REM2: variants seen among roughly 807,000 people sequenced by gnomAD.
REM2 encodes GTP-binding protein REM 2.
A neutral mutation model predicts 24.4 loss-of-function variants in REM2; 24 were observed. The ratio of observed to expected loss-of-function variants is 0.98; its 90% CI spans 0.71 to 1.38. The LOEUF (loss-of-function observed/expected upper bound fraction) is 1.38. Ranked by LOEUF, REM2 falls within the 40% of genes most tolerant of loss-of-function variation. The pLI, the probability that REM2 is intolerant of heterozygous loss-of-function variation, is 0.00. For synonymous variants in REM2, 187 were observed against 198.0 expected, an observed-to-expected ratio of 0.94 and a Z score of 0.47; for missense variants, 429 against 467.8, an observed-to-expected ratio of 0.92 and a Z score of 0.77.
chr14:22,886,208 G>A lies in REM2; in HGVS notation c.704G>A (p.Arg235His), dbSNP rs1445632252. 1.2e-6 allele frequency: 2 copies of A among 1,612,970 alleles called. No homozygotes were observed. Among genetic ancestry groups the A allele is most frequent in the African/African-American group, 1.3e-5 (1 of 74,920 alleles). The part of the protein sequence containing the change: ...ILVGNKSDLA[R>H]SREVSLEEGR... The stretch of plus-strand genomic sequence containing the variant: ...GTTGGAAACAAGAGCGACTTGGCCC[G>A]CTCCCGGGAGGTATCACTGGAGGGT... The change falls in exon 4 of 5, where the codon CGC becomes CAC. Residue 235 changes from arginine to histidine, a missense_variant. Coordinates refer to ENST00000267396, the MANE Select transcript of REM2 (RefSeq NM_173527.3). This position sits in a 1 kb window ranked among gnomAD's most constrained non-coding sequence, Gnocchi z 5.9.
chr14:22,883,432 G>T (rs1276593903), intron 1 of REM2, 42 bp downstream of exon 1: 3 of 1,540,100 alleles, frequency 1.9e-6, no homozygotes, highest in African/African-American at 2.7e-5. Flanking sequence ...AACCATGGGG[G>T]TGGGAGCTGA....
rs747385059 is a variant in REM2, at chr14:22,884,688, C to T, written c.118C>T (p.Leu40=). The change falls in exon 2 of 5, where the codon CTA becomes TTA. Residue 40 remains leucine, a synonymous_variant. Coordinates refer to ENST00000267396, the MANE Select transcript of REM2 (RefSeq NM_173527.3). ...GTPTPEADAT[L]LKKSEKLLAE... ...TTTTATTTTAGAAGCAGATGCCACG[C>T]TACTAAAGAAGTCAGAGAAACTGTT... 6.2e-7 allele frequency: 1 copy of T among 1,607,260 alleles called. No homozygotes were observed. Among genetic ancestry groups the T allele is most frequent in the East Asian group, 2.2e-5 (1 of 44,806 alleles).
At position 22,886,162 on chromosome 14, in the gene REM2, C is replaced by T; in HGVS notation, c.658C>T (p.His220Tyr). ...TCGGCTCCGGGCTGGGAGGCCGCACCACGACCTACCCGTTATCCTCGTTGG... is the reference window on the plus strand; with the variant it reads ...TCGGCTCCGGGCTGGGAGGCCGCACTACGACCTACCCGTTATCCTCGTTGG... ...LLRLRAGRPH[H>Y]DLPVILVGNK... Residue 220 changes from histidine to tyrosine, a missense_variant, in exon 4 of 5, where the codon CAC (histidine) becomes TAC (tyrosine). Physicochemically the swap from His to Tyr is moderately conservative, Grantham distance 83. Coordinates refer to ENST00000267396, the MANE Select transcript of REM2 (RefSeq NM_173527.3). This position sits in a 1 kb window ranked among gnomAD's most constrained non-coding sequence, Gnocchi z 5.9. The T allele has an allele frequency of 6.2e-7, 1 of 1,613,924 alleles. No homozygotes were observed.
chr14:22,886,368 C>G lies in REM2; in HGVS notation c.727+137C>G. 1.2e-6 allele frequency: 1 copy of G among 819,906 alleles called. No individual in the cohort carries two copies. Among genetic ancestry groups the G allele is most frequent in the South Asian group, 1.6e-5 (1 of 61,600 alleles). 50.8% of individuals were successfully genotyped at this position (819,906 alleles called of 1,614,324 possible). A position where few individuals can be genotyped will look rare whatever the true frequency, so the allele number is the denominator to read the frequency against. On this transcript the variant is annotated intron_variant, in intron 4 of 4. Transcript: ENST00000267396. The surrounding 1 kb of genome is among the most constrained non-coding windows in gnomAD (Gnocchi z 5.9). The stretch of plus-strand genomic sequence containing the variant: ...TCAGACCCAGGCTAGGGGGACACTC[C>G]CAATGCCCCACTCGAGGATCCTGAG...
chr14:22,886,969 CT>C lies in REM2; in HGVS notation c.*61del. On this transcript the variant is annotated 3_prime_UTR_variant, in exon 5 of 5. Coordinates refer to ENST00000267396, the MANE Select transcript of REM2 (RefSeq NM_173527.3). The surrounding 1 kb of genome is among the most constrained non-coding windows in gnomAD (Gnocchi z 5.9). Reference sequence around the variant, plus strand: ...TCACCGCGCCCTCCGCTCGCCCCCCCTCGCCCCGCCCCGCCCCCGTCCGGCT... The same window carrying C: ...TCACCGCGCCCTCCGCTCGCCCCCCCCGCCCCGCCCCGCCCCCGTCCGGCT... 11 of 1,307,624 alleles carry C rather than the reference CT, an allele frequency of 8.4e-6. No individual in the cohort carries two copies. The South Asian group carries it at 1.0e-4, about 12-fold the overall frequency. The allele number at this position is 1,307,624 out of a possible 1,614,324, so 81.0% of individuals were successfully genotyped here. A position where few individuals can be genotyped will look rare whatever the true frequency, so the allele number is the denominator to read the frequency against.
In REM2 at chr14:22,886,557, C is replaced by A; in HGVS notation, c.728-57C>A. 1 of 1,425,226 alleles carries A rather than the reference C, an allele frequency of 7.0e-7. No individual in the cohort carries two copies. Among genetic ancestry groups the A allele is most frequent in the Non-Finnish European group, 9.2e-7 (1 of 1,084,548 alleles). The allele number at this position is 1,425,226 out of a possible 1,614,324, so 88.3% of individuals were successfully genotyped here. A position where few individuals can be genotyped will look rare whatever the true frequency, so the allele number is the denominator to read the frequency against. On this transcript the variant is annotated intron_variant, in intron 4 of 4. Coordinates refer to ENST00000267396, the MANE Select transcript of REM2 (RefSeq NM_173527.3). This position sits in a 1 kb window ranked among gnomAD's most constrained non-coding sequence, Gnocchi z 5.9. ...CACGCCCAGGCCCTCCCTAGACCCA[C>A]CCTCGCCCCGGGTCCCGTACAGCCC... is the stretch of plus-strand genomic sequence containing the variant.
In REM2 at chr14:22,886,885, G is replaced by T. The variant is rs1381166141; in HGVS notation, c.999G>T (p.Ser333=). 3 of 1,530,846 alleles carry T rather than the reference G, an allele frequency of 2.0e-6. No individual in the cohort carries two copies. The highest frequency in any genetic ancestry group is 1.2e-5 in the South Asian group (1 of 81,720). 94.8% of individuals were successfully genotyped at this position (1,530,846 alleles called of 1,614,324 possible). ...AGTTCTTCAAGCAGCGCTCCAGGTC[G>T]TGTCACGACCTCTCGGTGCTCTGAG... The part of the protein sequence containing the change: ...NAKFFKQRSR[S]CHDLSVL Residue 333 remains serine, a synonymous_variant, in exon 5 of 5, where the codon TCG becomes TCT. Coordinates refer to ENST00000267396, the MANE Select transcript of REM2 (RefSeq NM_173527.3). This position sits in a 1 kb window ranked among gnomAD's most constrained non-coding sequence, Gnocchi z 5.9.
At chr14:22,884,139 C>T (rs1456711545) in intron 1 of REM2, 3 of 985,192 alleles carry the variant, frequency 3.0e-6, no homozygotes, top group East Asian at 2.3e-4. Context: ...AAGCAAAGGC[C>T]CTTTCCTAGG....
chr14:22,884,330 G>A (rs1313428949), intron 1 of REM2: 20 of 985,284 alleles, frequency 2.0e-5, no homozygotes, highest in East Asian at 1.1e-4. Flanking sequence ...CAACTCCACC[G>A]TACAGGGCCA....
Position 22,886,981 on chromosome 14 carries a change from C to T in REM2, c.*72C>T, listed in dbSNP as rs2040137147. 1.6e-6 allele frequency: 2 copies of T among 1,269,900 alleles called. No individual in the cohort carries two copies. Among genetic ancestry groups the T allele is most frequent in the East Asian group, 3.1e-5 (1 of 32,678 alleles). 78.7% of individuals were successfully genotyped at this position (1,269,900 alleles called of 1,614,324 possible). On this transcript the variant is annotated 3_prime_UTR_variant, in exon 5 of 5. Coordinates refer to ENST00000267396, the MANE Select transcript of REM2 (RefSeq NM_173527.3). The surrounding 1 kb of genome is among the most constrained non-coding windows in gnomAD (Gnocchi z 5.9). ...CCGCTCGCCCCCCCTCGCCCCGCCC[C>T]GCCCCCGTCCGGCTTCCTTGGTGGA... is the stretch of plus-strand genomic sequence containing the variant.
In REM2 at chr14:22,886,532, C is replaced by A; in HGVS notation, c.728-82C>A. 7.8e-7 allele frequency: 1 copy of A among 1,284,402 alleles called. No individual in the cohort carries two copies. Among genetic ancestry groups the A allele is most frequent in the Non-Finnish European group, 1.0e-6 (1 of 958,884 alleles). The allele number at this position is 1,284,402 out of a possible 1,614,324, so 79.6% of individuals were successfully genotyped here. On this transcript the variant is annotated intron_variant, in intron 4 of 4. Transcript: ENST00000267396. The surrounding 1 kb of genome is among the most constrained non-coding windows in gnomAD (Gnocchi z 5.9). ...CACTAGTACCAATCCCTTGCCACCG[C>A]ACGCCCAGGCCCTCCCTAGACCCAC...
In REM2 at chr14:22,886,572, C is replaced by A; in HGVS notation, c.728-42C>A. 6.9e-7 allele frequency: 1 copy of A among 1,440,680 alleles called. No homozygotes were observed. The highest frequency in any genetic ancestry group is 9.1e-7 in the Non-Finnish European group (1 of 1,096,642). 89.2% of individuals were successfully genotyped at this position (1,440,680 alleles called of 1,614,324 possible). On this transcript the variant is annotated intron_variant, in intron 4 of 4. Transcript: ENST00000267396. This position sits in a 1 kb window ranked among gnomAD's most constrained non-coding sequence, Gnocchi z 5.9. ...CCTAGACCCACCCTCGCCCCGGGTCCCGTACAGCCCAGCGGGCGCCTGAGC... is the reference window on the plus strand; with the variant it reads ...CCTAGACCCACCCTCGCCCCGGGTCACGTACAGCCCAGCGGGCGCCTGAGC...
rs752521787 is a variant in REM2 at position 22,883,280 on chromosome 14, G to T, written c.-8G>T. 7.4e-7 allele frequency: 1 copy of T among 1,352,266 alleles called. No individual in the cohort carries two copies. Among genetic ancestry groups the T allele is most frequent in the East Asian group, 2.5e-5 (1 of 40,232 alleles). The allele number at this position is 1,352,266 out of a possible 1,614,324, so 83.8% of individuals were successfully genotyped here. On this transcript the variant is annotated 5_prime_UTR_variant, in exon 1 of 5. Coordinates refer to ENST00000267396, the MANE Select transcript of REM2 (RefSeq NM_173527.3). ...TGCACACGCACACGCACACGCACAC[G>T]CACACTGATGCACACGGACCTGGAC...
chr14:22,884,788 A>G lies in REM2; in HGVS notation c.218A>G (p.Tyr73Cys), dbSNP rs1211610457. The G allele has an allele frequency of 1.2e-6, 2 of 1,613,880 alleles. No homozygotes were observed. The highest frequency in any genetic ancestry group is 1.7e-6 in the Non-Finnish European group (2 of 1,179,886). The stretch of plus-strand genomic sequence containing the variant: ...CGAAGAGGCAGTATGCCTGTCCCCT[A>G]CAAGCACCAGCTCCGGCGGGCCCAG... Reference protein sequence around the residue: ...PRRRGSMPVPYKHQLRRAQAV... With the variant: ...PRRRGSMPVPCKHQLRRAQAV... Residue 73 changes from tyrosine (Y) to cysteine (C), a missense_variant, in exon 2 of 5, where the codon TAC becomes TGC. Coordinates refer to ENST00000267396, the MANE Select transcript of REM2 (RefSeq NM_173527.3).
chr14:22,887,033 A>T lies in REM2; in HGVS notation c.*124A>T. ...GCCGTCTAGGAAACCAAAAACTCCC[A>T]GGATGCCCCGGTGTGACCGCCGGGG... On this transcript the variant is annotated 3_prime_UTR_variant, in exon 5 of 5. Transcript: ENST00000267396. 1 of 901,226 alleles carries T rather than the reference A, an allele frequency of 1.1e-6. No homozygotes were observed. The highest frequency in any genetic ancestry group is 1.6e-6 in the Non-Finnish European group (1 of 644,226). The allele number at this position is 901,226 out of a possible 1,614,324, so 55.8% of individuals were successfully genotyped here. A position where few individuals can be genotyped will look rare whatever the true frequency, so the allele number is the denominator to read the frequency against.
Position 22,886,809 on chromosome 14 carries a change from T to G in REM2, c.923T>G (p.Leu308Arg). The G allele has an allele frequency of 6.5e-7, 1 of 1,548,936 alleles. No homozygotes were observed. The highest frequency in any genetic ancestry group is 2.5e-5 in the East Asian group (1 of 40,764). The stretch of plus-strand genomic sequence containing the variant: ...GCGCCACCTGCACGCCGCGAGAGCC[T>G]CACCAAGAAAGCCAAGAGGTTCCTC... Reference protein sequence around the residue: ...GPAPPARRESLTKKAKRFLAN... With the variant: ...GPAPPARRESRTKKAKRFLAN... Residue 308 changes from leucine to arginine, a missense_variant, in exon 5 of 5, where the codon CTC (leucine) becomes CGC (arginine). Physicochemically the swap from Leu to Arg is moderately radical, Grantham distance 102. Coordinates refer to ENST00000267396, the MANE Select transcript of REM2 (RefSeq NM_173527.3). This position sits in a 1 kb window ranked among gnomAD's most constrained non-coding sequence, Gnocchi z 5.9.
Position 22,884,904 on chromosome 14 carries a change from G to A in REM2, c.334G>A (p.Asp112Asn). 6.2e-7 allele frequency: 1 copy of A among 1,612,784 alleles called. No individual in the cohort carries two copies. The highest frequency in any genetic ancestry group is 8.5e-7 in the Non-Finnish European group (1 of 1,179,010). Residue 112 changes from aspartate to asparagine, a missense_variant, in exon 2 of 5, where the codon GAT (aspartate) becomes AAT (asparagine). Asp to Asn is a conservative substitution (Grantham distance 23, BLOSUM62 1). Coordinates refer to ENST00000267396, the MANE Select transcript of REM2 (RefSeq NM_173527.3). ...AGGGGAGGCAGCCCCTGCTCAAAAG[G>A]ATGGCATCTTCAAGGTCATGCTAGT... ...GSGEAAPAQK[D>N]GIFKVMLVGE...
In REM2 at chr14:22,886,687, G is replaced by C; in HGVS notation, c.801G>C (p.Arg267Ser). The part of the protein sequence containing the change: ...ETSAALHHNT[R>S]ELFEGAVRQI... ...CGGCCGCACTGCACCACAACACGAG[G>C]GAGCTCTTCGAGGGCGCGGTGCGCC... is the stretch of plus-strand genomic sequence containing the variant. Residue 267 changes from arginine (R) to serine (S), a missense_variant, in exon 5 of 5, where the codon AGG becomes AGC. By Grantham distance (110) the Arg-to-Ser change is moderately radical (BLOSUM62 -1). Transcript: ENST00000267396. The surrounding 1 kb of genome is among the most constrained non-coding windows in gnomAD (Gnocchi z 5.9). The C allele has an allele frequency of 6.7e-7, 1 of 1,498,746 alleles. No homozygotes were observed. The highest frequency in any genetic ancestry group is 8.9e-7 in the Non-Finnish European group (1 of 1,125,836). The allele number at this position is 1,498,746 out of a possible 1,614,324, so 92.8% of individuals were successfully genotyped here. A position where few individuals can be genotyped will look rare whatever the true frequency, so the allele number is the denominator to read the frequency against.
chr14:22,884,811 C>G lies in REM2; in HGVS notation c.241C>G (p.Gln81Glu), dbSNP rs770366952. 3.1e-6 allele frequency: 5 copies of G among 1,614,042 alleles called. No individual in the cohort carries two copies. In the East Asian group the frequency reaches 1.1e-4, roughly 36 times the overall value. ...CTACAAGCACCAGCTCCGGCGGGCC[C>G]AGGCTGTAGATGAACTTGACTGGCC... Reference protein sequence around the residue: ...VPYKHQLRRAQAVDELDWPPQ... With the variant: ...VPYKHQLRRAEAVDELDWPPQ... The change falls in exon 2 of 5, where the codon CAG becomes GAG. Residue 81 changes from glutamine (Q) to glutamate (E), a missense_variant. Gln to Glu is a conservative substitution (Grantham distance 29, BLOSUM62 2). Coordinates refer to ENST00000267396, the MANE Select transcript of REM2 (RefSeq NM_173527.3).
Sources: allele counts gnomAD v4.1 joint callset, GRCh38; gene constraint gnomAD v4.1.1; non-coding constraint Gnocchi (gnomAD v3.1); transcripts MANE v1.5; gene names NCBI Gene and HGNC (gene_info 2026-07-23, HGNC 2026-07-21).